PCDHGA6: variants seen among roughly 807,000 people sequenced by gnomAD.
PCDHGA6 encodes the protein protocadherin gamma subfamily A, 6.
PCDHGA6 carries 41 observed loss-of-function variants against 60.6 expected under a neutral mutation model. The observed-to-expected ratio is 0.68, with a 90% confidence interval of 0.53 to 0.88. PCDHGA6 has a LOEUF of 0.88. PCDHGA6 is among the 40% of genes least tolerant of loss of function. The pLI is 0.00. For synonymous variants in PCDHGA6, 594 were observed against 524.4 expected (o/e 1.13, Z -1.81); for missense variants, 1,312 against 1,203.0 (o/e 1.09, Z -1.34).
chr5:141,450,991 A>AT (rs1351194705), intron 1 of PCDHGA6, among the ~76,000 whole-genome samples: 1 of 150,700 alleles, frequency 6.6e-6, no homozygotes. Context: ...CACCCGGCTA[A>AT]TTTTTTTGTA....
At chr5:141,507,809 C>G (rs866898784) in intron 3 of PCDHGA6, among the ~76,000 whole-genome samples, 1 of 152,206 alleles carries the variant, frequency 6.6e-6, no homozygotes, top group Non-Finnish European at 1.5e-5. Context: ...CCCTGGGGAA[C>G]GGACCCTGGG....
intron 1 of PCDHGA6, chr5:141,384,930 C>G (rs764481830): frequency 6.2e-7 from 1 of 1,614,060 alleles, no homozygotes; most frequent in Admixed American, 1.7e-5. Context: ...ACCTGGGCAG[C>G]CTTGAGCCCT....
chr5:141,471,964 T>C lies in PCDHGA6; in HGVS notation c.2425-22843T>C, dbSNP rs138170906. Among the ~76,000 whole-genome samples, 591 of 152,278 alleles carry C rather than the reference T, an allele frequency of 3.9e-3. 6 individuals are homozygous for C. Among genetic ancestry groups the C allele is most frequent in the Admixed American group, 0.011 (171 of 15,292 alleles). On this transcript the variant is annotated intron_variant, in intron 1 of 3. Transcript: ENST00000517434. ...TCTAAAACTGGATTGTGGGGTTGGT[T>C]GCATTACTGTATAAATTTATTAAAA...
intron 1 of PCDHGA6, chr5:141,427,984 C>T (rs754620535): frequency 1.9e-6 from 3 of 1,597,494 alleles, no homozygotes; most frequent in South Asian, 1.1e-5. Context: ...GCGCTGGGGC[C>T]CGATGGCTCC....
At chr5:141,437,205 A>G (rs1561884114) in intron 1 of PCDHGA6, among the ~76,000 whole-genome samples, 1 of 152,202 alleles carries the variant, frequency 6.6e-6, no homozygotes, top group African/African-American at 2.4e-5. Context: ...ATGTGTTTAC[A>G]TTTATTCTGA....
rs1562052190 is a variant in PCDHGA6, at chr5:141,476,218, CTA to C, written c.2425-18587_2425-18586del. The C allele has an allele frequency of 6.2e-7, 1 of 1,613,984 alleles. No individual in the cohort carries two copies. The highest frequency in any genetic ancestry group is 8.5e-7 in the Non-Finnish European group (1 of 1,180,024). ...TGAACAAGGCTTCCACGGTCATTCA[CTA>C]TGAGATCCCGGAGGAAAGAGAGAAG... On this transcript the variant is annotated intron_variant, in intron 1 of 3. Coordinates refer to ENST00000517434, the MANE Select transcript of PCDHGA6 (RefSeq NM_018919.3). This position sits in a 1 kb window ranked among gnomAD's most constrained non-coding sequence, Gnocchi z 7.6.
Position 141,487,767 on chromosome 5 carries a change from T to G in PCDHGA6, c.2425-7040T>G, listed in dbSNP as rs2099665569. The G allele has an allele frequency of 5.2e-6, 8 of 1,538,298 alleles. No homozygotes were observed. The African/African-American group carries it at 9.6e-5, about 18-fold the overall frequency. On this transcript the variant is annotated intron_variant, in intron 1 of 3. Transcript: ENST00000517434. This position sits in a 1 kb window ranked among gnomAD's most constrained non-coding sequence, Gnocchi z 5.0. ...GGTAACTATGTGGTAGACGCTGTGC[T>G]TTGTAACTGTTTCGTGAATTAACCA... is the stretch of plus-strand genomic sequence containing the variant.
At position 141,431,321 on chromosome 5, in the gene PCDHGA6, G is replaced by T. The variant is rs112186927; in HGVS notation, c.2424+54814G>T. 1,258 of 1,614,054 alleles carry T rather than the reference G, an allele frequency of 7.8e-4. 11 individuals are homozygous for T. In the African/African-American group the frequency reaches 0.014, roughly 18 times the overall value. Reference sequence around the variant, plus strand: ...CCTCATCGTGCAAAATGGAGCCGACGGTAGTAAGTACCCCGAATTGGTGCT... The same window carrying T: ...CCTCATCGTGCAAAATGGAGCCGACTGTAGTAAGTACCCCGAATTGGTGCT... On this transcript the variant is annotated intron_variant, in intron 1 of 3. Transcript: ENST00000517434. This position sits in a 1 kb window ranked among gnomAD's most constrained non-coding sequence, Gnocchi z 4.8.
chr5:141,390,099 C>T (rs1252752587), intron 1 of PCDHGA6: 2 of 1,614,052 alleles, frequency 1.2e-6, no homozygotes, highest in Admixed American at 3.3e-5. Context: ...CGTGGTTCCC[C>T]CCAACTACAG....
intron 1 of PCDHGA6, chr5:141,427,247 T>C (rs1409945260): frequency 2.2e-6 from 1 of 456,582 alleles, no homozygotes; most frequent in Non-Finnish European, 4.4e-6. Context: ...AAGCTAAGGA[T>C]GGTGGAGGCA....
At chr5:141,408,712 T>C in intron 1 of PCDHGA6, 2 of 1,612,332 alleles carry the variant, frequency 1.2e-6, no homozygotes, top group Non-Finnish European at 1.7e-6. Flanking sequence ...TTAAAGATTA[T>C]AAGATAAACT....
At chr5:141,394,494 G>A (rs771645801) in intron 1 of PCDHGA6, 4 of 1,614,200 alleles carry the variant, frequency 2.5e-6, no homozygotes, top group Non-Finnish European at 1.7e-6. Flanking sequence ...CAACGCGCCC[G>A]AGATCCTGTA....
rs558074504 is a variant in PCDHGA6, at chr5:141,489,065, C to G, written c.2425-5742C>G. On this transcript the variant is annotated intron_variant, in intron 1 of 3. Coordinates refer to ENST00000517434, the MANE Select transcript of PCDHGA6 (RefSeq NM_018919.3). This position sits in a 1 kb window ranked among gnomAD's most constrained non-coding sequence, Gnocchi z 4.5. ...CCACTCAAATTCAGCTCCCCTCCCC[C>G]CTGCCCACCCCCGCCACTCGGTGAC... is the stretch of plus-strand genomic sequence containing the variant. The G allele has an allele frequency of 1.5e-4, 57 of 389,046 alleles. No homozygotes were observed. Among genetic ancestry groups the G allele is most frequent in the African/African-American group, 8.5e-4 (40 of 47,278 alleles). 24.1% of individuals were successfully genotyped at this position (389,046 alleles called of 1,614,324 possible).
chr5:141,458,594 G>A (rs1226490392), intron 1 of PCDHGA6, among the ~76,000 whole-genome samples: 2 of 151,612 alleles, frequency 1.3e-5, no homozygotes, highest in South Asian at 2.1e-4. Flanking sequence ...TTTTGGAGAC[G>A]AGTCTCACTC....
chr5:141,413,081 C>A, intron 1 of PCDHGA6: 2 of 1,339,424 alleles, frequency 1.5e-6, no homozygotes, highest in Non-Finnish European at 2.0e-6. Context: ...GCCCAGGCTA[C>A]AGAGACACCC....
intron 1 of PCDHGA6, among the ~76,000 whole-genome samples, chr5:141,459,098 A>G (rs993134478): frequency 2.0e-5 from 3 of 152,206 alleles, no homozygotes; most frequent in African/African-American, 7.2e-5. Flanking sequence ...ATACAGTGCA[A>G]TGCATTTTGA....
chr5:141,432,586 C>G lies in PCDHGA6; in HGVS notation c.2424+56079C>G. 6.2e-7 allele frequency: 1 copy of G among 1,613,852 alleles called. No homozygotes were observed. The highest frequency in any genetic ancestry group is 8.5e-7 in the Non-Finnish European group (1 of 1,179,972). On this transcript the variant is annotated intron_variant, in intron 1 of 3. Transcript: ENST00000517434. The surrounding 1 kb of genome is among the most constrained non-coding windows in gnomAD (Gnocchi z 6.0). ...ACGCCTGGCTGTCCTACCGTCTGCT[C>G]AAGGCCAGCGAGCCGGGACTCTTCT...
At chr5:141,419,658 A>T in intron 1 of PCDHGA6, 2 of 1,612,782 alleles carry the variant, frequency 1.2e-6, no homozygotes, top group Non-Finnish European at 1.7e-6. Flanking sequence ...GACTCGGGGC[A>T]CAATGCCTGG....
rs1312195504 is a variant in PCDHGA6 at position 141,429,392 on chromosome 5, A to ATTTTT, written c.2424+52885_2424+52886insTTTTT. On this transcript the variant is annotated intron_variant, in intron 1 of 3. Transcript: ENST00000517434. Reference sequence around the variant, plus strand: ...GAGAAAATGTGTTTTTTTTTTAAAAAAAATTGAGATTAAGGTCTCATTATG... The same window carrying ATTTTT: ...GAGAAAATGTGTTTTTTTTTTAAAAATTTTTAAATTGAGATTAAGGTCTCATTATG... Among the ~76,000 whole-genome samples, 131 of 152,104 alleles carry ATTTTT rather than the reference A, an allele frequency of 8.6e-4. 1 individual carries two copies. Among genetic ancestry groups the ATTTTT allele is most frequent in the Non-Finnish European group, 1.5e-3 (100 of 67,974 alleles).
Sources: allele counts gnomAD v4.1 joint callset (sites outside exome capture counted in the v4.1 genomes callset), GRCh38; gene constraint gnomAD v4.1.1; non-coding constraint Gnocchi (gnomAD v3.1); transcripts MANE v1.5; gene names NCBI Gene and HGNC (gene_info 2026-07-23, HGNC 2026-07-21).